Variants in FAM117A observed in about 807,000 individuals in gnomAD.
FAM117A encodes protein FAM117A.
A neutral mutation model predicts 44.1 loss-of-function variants in FAM117A; 21 were observed. The observed-to-expected ratio is 0.48, with a 90% CI of 0.34 to 0.69. FAM117A has a LOEUF of 0.69. FAM117A is among the 30% of genes least tolerant of loss of function. FAM117A has a pLI of 0.01. For synonymous variants in FAM117A, 220 were observed against 238.3 expected (o/e 0.92, Z 0.71); for missense variants, 498 against 589.9 (o/e 0.84, Z 1.61).
chr17:49,741,786 C>T (rs2143753531), intron 1 of FAM117A, among the ~76,000 whole-genome samples: 1 of 152,296 alleles, frequency 6.6e-6, no homozygotes, highest in East Asian at 1.9e-4. Flanking sequence ...TCTATTTCAG[C>T]ACATTTGTTG....
intron 1 of FAM117A, among the ~76,000 whole-genome samples, chr17:49,737,444 C>T (rs1048378198): frequency 8.5e-5 from 13 of 152,102 alleles, no homozygotes; most frequent in Admixed American, 7.2e-4. Context: ...AGATGGGCCA[C>T]GGACGAGCAA....
upstream of FAM117A, chr17:49,765,802 T>G (rs1953482225): frequency 6.6e-6 from 1 of 152,218 alleles, no homozygotes; most frequent in Non-Finnish European, 1.5e-5. Flanking sequence ...AAAGATATCT[T>G]GCATTTATAT....
upstream of FAM117A, among the ~76,000 whole-genome samples, chr17:49,767,553 TGACCTGGTTCCTGCTTTCAGA>T (rs2073748934): frequency 6.6e-6 from 1 of 152,216 alleles, no homozygotes; most frequent in Non-Finnish European, 1.5e-5. Flanking sequence ...TTGGGATACA[TGACCTGGTTCCTGCTTTCAGA>T]GACTTTGGGT....
At position 49,711,305 on chromosome 17, in the gene FAM117A, T is replaced by A; in HGVS notation, c.1312A>T (p.Thr438Ser). 1 of 1,609,616 alleles carries A rather than the reference T, an allele frequency of 6.2e-7. No individual in the cohort carries two copies. Among genetic ancestry groups the A allele is most frequent in the South Asian group, 1.1e-5 (1 of 90,782 alleles). The change falls in exon 8 of 8, where the codon ACC becomes TCC. Residue 438 changes from threonine to serine, a missense_variant. This residue lies in a region of FAM117A where 224 missense variants were observed against 296.5 expected (regional missense o/e 0.76). Transcript: ENST00000240364. ...AGCACAGGCTCTTCTGATGGTGGGGTGCGCTGCCATGGCTCGAATGGCAGT... is the reference window on the plus strand; with the variant it reads ...AGCACAGGCTCTTCTGATGGTGGGGAGCGCTGCCATGGCTCGAATGGCAGT... The part of the protein sequence containing the change: ...SPLPFEPWQR[T>S]PPSEEPVLFQ...
upstream of FAM117A, chr17:49,789,003 A>G (rs1403487255): frequency 1.6e-6 from 1 of 617,444 alleles, no homozygotes; most frequent in East Asian, 3.5e-5. Context: ...CCCAACAGAA[A>G]AATGTGGGCC....
intron 1 of FAM117A, among the ~76,000 whole-genome samples, chr17:49,750,041 G>C (rs2073670061): frequency 6.7e-6 from 1 of 148,726 alleles, no homozygotes. Flanking sequence ...AACTCCTAGT[G>C]CAGTCAAATT....
At chr17:49,758,632 A>T (rs12941764) in intron 1 of FAM117A, among the ~76,000 whole-genome samples, 86,375 of 137,656 alleles carry the variant, frequency 0.63, 28,557 homozygotes, top group Middle Eastern at 0.8. Flanking sequence ...AAAAAAAAAA[A>T]AAAATAAAAT....
At position 49,783,611 on chromosome 17, in the gene FAM117A, G is replaced by A. The variant is rs561875421; in HGVS notation, c.-621+4886C>T. Among the ~76,000 whole-genome samples the A allele has an allele frequency of 5.3e-5, 8 of 152,244 alleles. No homozygotes were observed. The South Asian group carries it at 1.7e-3, about 32-fold the overall frequency. ...TGGCCAGAATGTAAGAGAAGCTCCA[G>A]GCCATCTCCAGCAAGAGTAAAGAAG... On this transcript the variant is annotated intron_variant, in intron 1 of 7. Coordinates refer to the FAM117A transcript ENST00000513602.
At chr17:49,750,211 G>A (rs1290391339) in intron 1 of FAM117A, among the ~76,000 whole-genome samples, 1 of 148,716 alleles carries the variant, frequency 6.7e-6, no homozygotes, top group Non-Finnish European at 1.5e-5. Flanking sequence ...TTCTTCACAT[G>A]CACTTTTTCT....
intron 1 of FAM117A, among the ~76,000 whole-genome samples, chr17:49,782,132 T>C (rs1348707484): frequency 6.6e-6 from 1 of 151,950 alleles, no homozygotes; most frequent in East Asian, 1.9e-4. Flanking sequence ...TCCCAGCACT[T>C]TGGGAGGCCG....
upstream of FAM117A, among the ~76,000 whole-genome samples, chr17:49,767,356 C>G (rs1336824982): frequency 6.6e-6 from 1 of 152,208 alleles, no homozygotes; most frequent in Non-Finnish European, 1.5e-5. Flanking sequence ...TTATCAACAT[C>G]ATCGCCATTA....
chr17:49,716,104 G>A (rs1355623561), intron 7 of FAM117A, 61 bp downstream of exon 7: 5 of 1,578,002 alleles, frequency 3.2e-6, no homozygotes, highest in Non-Finnish European at 4.3e-6. Flanking sequence ...CAAGACTGAA[G>A]AAGGTGGGAG....
At chr17:49,781,632 CAATT>C (rs758481141) in intron 1 of FAM117A, among the ~76,000 whole-genome samples, 6 of 152,120 alleles carry the variant, frequency 3.9e-5, no homozygotes, top group Non-Finnish European at 8.8e-5. Context: ...AGTATAGTTA[CAATT>C]ATGAGGACTC....
intron 1 of FAM117A, among the ~76,000 whole-genome samples, chr17:49,784,272 T>C (rs1189472404): frequency 6.6e-6 from 1 of 152,134 alleles, no homozygotes; most frequent in Non-Finnish European, 1.5e-5. Flanking sequence ...TTGCCCCCAC[T>C]CCCAGTGCCT....
At chr17:49,783,297 G>A (rs2143808746) in intron 1 of FAM117A, among the ~76,000 whole-genome samples, 1 of 152,294 alleles carries the variant, frequency 6.6e-6, no homozygotes, top group South Asian at 2.1e-4. Context: ...TGCTCAGATT[G>A]ACTTCCCTAG....
intron 1 of FAM117A, among the ~76,000 whole-genome samples, chr17:49,739,155 T>G (rs1307469458): frequency 6.6e-6 from 1 of 152,174 alleles, no homozygotes; most frequent in Non-Finnish European, 1.5e-5. Flanking sequence ...TATGAAGAGA[T>G]GCAAATACAC....
intron 3 of FAM117A, 104 bp downstream of exon 3, chr17:49,722,395 A>G: frequency 1.1e-6 from 1 of 895,632 alleles, no homozygotes; most frequent in African/African-American, 1.7e-5. Context: ...TCAAGATAGG[A>G]GAGGTGAGCA....
upstream of FAM117A, among the ~76,000 whole-genome samples, chr17:49,768,141 G>C (rs1452629787): frequency 6.6e-6 from 1 of 152,126 alleles, no homozygotes; most frequent in Non-Finnish European, 1.5e-5. Flanking sequence ...GAGGTTTCAA[G>C]TCTTAAAAGC....
At chr17:49,779,557 C>T (rs2073784039) in intron 1 of FAM117A, among the ~76,000 whole-genome samples, 1 of 152,200 alleles carries the variant, frequency 6.6e-6, no homozygotes, top group African/African-American at 2.4e-5. Context: ...AAGACTATGG[C>T]TCTTTTTCCT....
Sources: gnomAD v4.1 joint callset for allele counts (sites outside exome capture counted in the v4.1 genomes callset) on GRCh38, gnomAD v4.1.1 for gene constraint, gnomAD v4.1.1 regional missense constraint, MANE v1.5 for transcripts, NCBI Gene and HGNC (gene_info 2026-07-23, HGNC 2026-07-21) for gene names.